Variants in SOX5 observed in about 807,000 individuals in gnomAD.
SOX5 encodes the protein transcription factor SOX-5.
Under a neutral mutation model 92.0 loss-of-function variants are expected in SOX5, and 9 were observed. The ratio of observed to expected loss-of-function variants is 0.10; its 90% CI spans 0.06 to 0.17. The LOEUF (loss-of-function observed/expected upper bound fraction) is 0.17, where lower values mean the gene tolerates loss of function less well. Among genes scored for constraint, SOX5 ranks in the 10% least tolerant of loss-of-function variants. The pLI is 1.00. For missense variants in SOX5, 642 were observed against 944.5 expected (o/e 0.68, Z 4.20); for synonymous variants, 344 against 336.3 (o/e 1.02, Z -0.25).
chr12:24,016,088 T>C (rs554256323), intron 4 of SOX5, among the ~76,000 whole-genome samples: 56 of 152,318 alleles, frequency 3.7e-4, no homozygotes, highest in African/African-American at 1.3e-3. Context: ...TCAGCACCTA[T>C]GCTGATTTCG....
intron 4 of SOX5, among the ~76,000 whole-genome samples, chr12:24,186,760 C>T (rs1312495902): frequency 6.6e-6 from 1 of 151,996 alleles, no homozygotes; most frequent in Non-Finnish European, 1.5e-5. Context: ...TTATATCTTA[C>T]ACAAATTTAC....
chr12:23,816,879 G>A (rs1193564213), intron 3 of SOX5, among the ~76,000 whole-genome samples: 1 of 152,076 alleles, frequency 6.6e-6, no homozygotes, highest in Non-Finnish European at 1.5e-5. Flanking sequence ...CGCCACTGAG[G>A]CTCTTTTTCC....
At chr12:24,395,636 A>G (rs887202881) in intron 1 of SOX5, among the ~76,000 whole-genome samples, 1 of 152,214 alleles carries the variant, frequency 6.6e-6, no homozygotes, top group Admixed American at 6.5e-5. Context: ...GCAATATAAC[A>G]TTCTCCTCAT....
intron 4 of SOX5, among the ~76,000 whole-genome samples, chr12:24,043,625 G>A (rs926398687): frequency 6.6e-6 from 1 of 152,124 alleles, no homozygotes; most frequent in Non-Finnish European, 1.5e-5. Flanking sequence ...CGGCATTTCT[G>A]TGTTTTTAGT....
At position 23,988,368 on chromosome 12, in the gene SOX5, G is replaced by C. The variant is rs746326759; in HGVS notation, c.-1-92344C>G. Among the ~76,000 whole-genome samples, 12 of 152,184 alleles carry C rather than the reference G, an allele frequency of 7.9e-5. 1 individual carries two copies. Among genetic ancestry groups the C allele is most frequent in the East Asian group, 3.9e-4 (2 of 5,186 alleles). ...ACCTTTAGAGTGAGCAGACTAGTAA[G>C]AGTCAGCAAGGACTTGAAGAGCCCA... On this transcript the variant is annotated intron_variant, in intron 4 of 4. Coordinates refer to the SOX5 transcript ENST00000446891.
At position 23,689,121 on chromosome 12, in the gene SOX5, T is replaced by C. The variant is rs147617061; in HGVS notation, c.811-23557A>G. Among the ~76,000 whole-genome samples the C allele has an allele frequency of 3.3e-4, 50 of 152,236 alleles. No homozygotes were observed. The East Asian group carries it at 8.7e-3, about 26-fold the overall frequency. ...TCACTACTAAGTCAATATCAATTTT[T>C]TTAGGCCATTTAGAGCTAATCTGTT... is the stretch of plus-strand genomic sequence containing the variant. On this transcript the variant is annotated intron_variant, in intron 6 of 14. Transcript: ENST00000451604.
At position 24,152,970 on chromosome 12, in the gene SOX5, C is replaced by T. The variant is rs141002986; in HGVS notation, c.-2+60373G>A. Reference sequence around the variant, plus strand: ...TTGATGTGGAGCACAGTGTTGAGCTCGAAGACTCTGATGAGTTAAATGGTG... The same window carrying T: ...TTGATGTGGAGCACAGTGTTGAGCTTGAAGACTCTGATGAGTTAAATGGTG... On this transcript the variant is annotated intron_variant, in intron 4 of 4. Coordinates refer to the SOX5 transcript ENST00000446891. 1.8e-3 allele frequency among the ~76,000 whole-genome samples: 277 copies of T among 152,138 alleles called. 2 individuals are homozygous for T. Among genetic ancestry groups the T allele is most frequent in the African/African-American group, 6.3e-3 (262 of 41,510 alleles).
chr12:24,469,422 G>A (rs1348994912), intron 1 of SOX5, among the ~76,000 whole-genome samples: 1 of 152,062 alleles, frequency 6.6e-6, no homozygotes, highest in Non-Finnish European at 1.5e-5. Context: ...CATATTTTAG[G>A]GTTCTCCATT....
At chr12:23,763,554 T>C (rs1567571234) in intron 3 of SOX5, among the ~76,000 whole-genome samples, 1 of 152,092 alleles carries the variant, frequency 6.6e-6, no homozygotes, top group Non-Finnish European at 1.5e-5. Flanking sequence ...TAAAGGAATG[T>C]AGTAAGTATG....
At chr12:23,596,671 T>C (rs1952512637) in intron 9 of SOX5, among the ~76,000 whole-genome samples, 2 of 152,168 alleles carry the variant, frequency 1.3e-5, no homozygotes, top group Non-Finnish European at 2.9e-5. Context: ...TTTTAAAGTA[T>C]GCTTTAGGAA....
intron 4 of SOX5, among the ~76,000 whole-genome samples, chr12:24,140,676 C>A (rs1200836962): frequency 6.6e-6 from 1 of 152,044 alleles, no homozygotes; most frequent in Admixed American, 6.6e-5. Context: ...AAATTCTCCC[C>A]CCTCAACAAG....
At chr12:24,056,115 T>A (rs1049352041) in intron 4 of SOX5, among the ~76,000 whole-genome samples, 5 of 152,338 alleles carry the variant, frequency 3.3e-5, no homozygotes, top group Admixed American at 2.6e-4. Flanking sequence ...TACTAGTGTA[T>A]GAGCCATCAC....
intron 8 of SOX5, among the ~76,000 whole-genome samples, chr12:23,637,541 C>A (rs1463077040): frequency 6.6e-6 from 1 of 152,078 alleles, no homozygotes; most frequent in Non-Finnish European, 1.5e-5. Flanking sequence ...TCCATTCCCA[C>A]AATATATATG....
Position 24,015,479 on chromosome 12 carries a change from G to A in SOX5, c.-1-119455C>T, listed in dbSNP as rs1267322801. On this transcript the variant is annotated intron_variant, in intron 4 of 4. Transcript: ENST00000446891. ...TAAAGCAAAGCTGGAAAATGGTGGT[G>A]TATTATGTGACACAGAACATTATTG... Among the ~76,000 whole-genome samples the A allele has an allele frequency of 2.0e-5, 3 of 152,112 alleles. No individual in the cohort carries two copies. The East Asian group carries it at 5.8e-4, about 29-fold the overall frequency.
chr12:23,825,182 T>G (rs371831258), intron 3 of SOX5, among the ~76,000 whole-genome samples: 11 of 152,166 alleles, frequency 7.2e-5, no homozygotes, highest in East Asian at 3.9e-4. Context: ...CAAACGGCTG[T>G]CCAGCTTTGT....
At chr12:24,445,301 C>G (rs1185405936) in intron 1 of SOX5, among the ~76,000 whole-genome samples, 1 of 152,128 alleles carries the variant, frequency 6.6e-6, no homozygotes, top group African/African-American at 2.4e-5. Flanking sequence ...AAACATTATG[C>G]TTGTTTGAGA....
rs1295703220 is a variant in SOX5, at chr12:23,530,060, A to G, written c.*4159T>C. On this transcript the variant is annotated 3_prime_UTR_variant, in exon 15 of 15. Coordinates refer to ENST00000451604, the MANE Select transcript of SOX5 (RefSeq NM_006940.6). ...GAAGTTGATAGTTATAGGATACTTTAAAATTAAATACTGTAAAAGCCTGGC... is the reference window on the plus strand; with the variant it reads ...GAAGTTGATAGTTATAGGATACTTTGAAATTAAATACTGTAAAAGCCTGGC... The G allele has an allele frequency of 3.3e-5, 5 of 152,240 alleles. No individual in the cohort carries two copies. Among genetic ancestry groups the G allele is most frequent in the Non-Finnish European group, 5.9e-5 (4 of 68,040 alleles). 9.4% of individuals were successfully genotyped at this position (152,240 alleles called of 1,614,324 possible). A position where few individuals can be genotyped will look rare whatever the true frequency, so the allele number is the denominator to read the frequency against.
chr12:24,351,257 C>G (rs1954047982), intron 2 of SOX5, among the ~76,000 whole-genome samples: 1 of 152,122 alleles, frequency 6.6e-6, no homozygotes. Flanking sequence ...TAAACTTGCT[C>G]AGCAGTCACG....
At chr12:24,043,175 G>A (rs1410503440) in intron 4 of SOX5, among the ~76,000 whole-genome samples, 1 of 152,148 alleles carries the variant, frequency 6.6e-6, no homozygotes, top group African/African-American at 2.4e-5. Context: ...GGAAGTAATT[G>A]TTTTTGTTTA....
Sources: gnomAD v4.1 joint callset for allele counts (sites outside exome capture counted in the v4.1 genomes callset) on GRCh38, gnomAD v4.1.1 for gene constraint, MANE v1.5 for transcripts, NCBI Gene and HGNC (gene_info 2026-07-23, HGNC 2026-07-21) for gene names.